Variants in CEP128 observed in about 807,000 individuals in gnomAD.
CEP128 encodes centrosomal protein 128, also known as centrosomal protein 128kDa.
Under a neutral mutation model 156.7 loss-of-function variants are expected in CEP128, and 132 were observed. That is an observed-to-expected ratio of 0.84 (90% confidence interval 0.73 to 0.97). The LOEUF (loss-of-function observed/expected upper bound fraction) is 0.97, where lower values mean the gene tolerates loss of function less well. CEP128 is among the 50% of genes least tolerant of loss of function. The pLI, the probability that CEP128 is intolerant of heterozygous loss-of-function variation, is 0.00. For missense variants in CEP128, 1,252 were observed against 1,281.9 expected (o/e 0.98, Z 0.36); for synonymous variants, 469 against 448.9 (o/e 1.04, Z -0.57).
chr14:80,661,366 T>C (rs1895396327), intron 19 of CEP128, among the ~76,000 whole-genome samples: 1 of 152,174 alleles, frequency 6.6e-6, no homozygotes, highest in Non-Finnish European at 1.5e-5. Context: ...ATCATCAATA[T>C]ACTTCAAGAG....
In CEP128 at chr14:80,840,686, T is replaced by G; in HGVS notation, c.845A>C (p.Asn282Thr). Residue 282 changes from asparagine (N) to threonine (T), a missense_variant, in exon 10 of 25, where the codon AAT becomes ACT. Coordinates refer to ENST00000555265, the MANE Select transcript of CEP128 (RefSeq NM_152446.5). The part of the protein sequence containing the change: ...NKLRQTETEK[N>T]QLEQELELSR... ...AGATAACTTTTAAAATCTTACTTGA[T>G]TCTTCTCAGTTTCAGTTTGTCTTAG... is the stretch of plus-strand genomic sequence containing the variant. 6.3e-7 allele frequency: 1 copy of G among 1,590,326 alleles called. No individual in the cohort carries two copies. Among genetic ancestry groups the G allele is most frequent in the Non-Finnish European group, 8.6e-7 (1 of 1,159,638 alleles).
downstream of CEP128, chr14:80,496,439 T>A (rs576654460): frequency 6.5e-6 from 1 of 152,728 alleles, no homozygotes; most frequent in East Asian, 1.9e-4. Context: ...ATGTGAGAAC[T>A]CTTAATGAGC....
chr14:80,669,317 TG>T (rs1388337734), intron 19 of CEP128, among the ~76,000 whole-genome samples: 2 of 151,894 alleles, frequency 1.3e-5, no homozygotes, highest in Non-Finnish European at 2.9e-5. Flanking sequence ...AATAGACAAA[TG>T]GGACTTAATT....
intron 2 of CEP128, among the ~76,000 whole-genome samples, chr14:80,935,012 T>C (rs1885701483): frequency 6.6e-6 from 1 of 152,190 alleles, no homozygotes; most frequent in South Asian, 2.1e-4. Context: ...AACATTATTA[T>C]TATCATCCCC....
At chr14:80,566,282 A>G (rs1350279057) in intron 20 of CEP128, among the ~76,000 whole-genome samples, 2 of 152,122 alleles carry the variant, frequency 1.3e-5, no homozygotes, top group East Asian at 3.8e-4. Flanking sequence ...AAATACAAAT[A>G]TATATATTTT....
chr14:80,954,502 C>T (rs1886554630), intron 2 of CEP128, among the ~76,000 whole-genome samples: 1 of 152,116 alleles, frequency 6.6e-6, no homozygotes, highest in Non-Finnish European at 1.5e-5. Context: ...ATCCACTTAA[C>T]CTCCAGCCTA....
At chr14:80,538,653 A>T (rs1889597057) in intron 21 of CEP128, among the ~76,000 whole-genome samples, 1 of 152,256 alleles carries the variant, frequency 6.6e-6, no homozygotes. Context: ...CATTGCATAC[A>T]TTAATACACG....
chr14:80,647,100 T>TACACACACAC (rs1323202529), intron 19 of CEP128, among the ~76,000 whole-genome samples: 1 of 104,510 alleles, frequency 9.6e-6, no homozygotes, highest in African/African-American at 3.6e-5. Context: ...CCCTTATAAA[T>TACACACACAC]ACACATACAC....
chr14:80,931,877 T>C (rs902831528), intron 2 of CEP128, among the ~76,000 whole-genome samples: 2 of 152,204 alleles, frequency 1.3e-5, no homozygotes, highest in East Asian at 3.8e-4. Flanking sequence ...TGATCATCTA[T>C]CTCAGCTTTC....
At chr14:80,894,111 G>C (rs1049789453) in intron 8 of CEP128, among the ~76,000 whole-genome samples, 2 of 151,550 alleles carry the variant, frequency 1.3e-5, no homozygotes, top group African/African-American at 2.4e-5. Context: ...TGACTTCTTA[G>C]GTCAAAAAAG....
At chr14:80,534,828 A>AC (rs1161673181) in intron 21 of CEP128, among the ~76,000 whole-genome samples, 1 of 151,056 alleles carries the variant, frequency 6.6e-6, no homozygotes, top group East Asian at 1.9e-4. Flanking sequence ...CCGTCTCAAA[A>AC]AAAAAAAAAA....
At chr14:80,627,857 A>G (rs1366201013) in intron 19 of CEP128, among the ~76,000 whole-genome samples, 1 of 151,888 alleles carries the variant, frequency 6.6e-6, no homozygotes, top group African/African-American at 2.4e-5. Context: ...ATAGAGCTAG[A>G]GCAATAACCT....
chr14:80,690,508 G>T (rs899941042), intron 19 of CEP128, among the ~76,000 whole-genome samples: 1 of 151,670 alleles, frequency 6.6e-6, no homozygotes, highest in African/African-American at 2.4e-5. Flanking sequence ...AGGTGCTGGC[G>T]TGGATAAATT....
In CEP128 at chr14:80,912,905, G is replaced by A. The variant is rs1884331529; in HGVS notation, c.234+1417C>T. On this transcript the variant is annotated intron_variant, in intron 4 of 24. Transcript: ENST00000555265. ...GGTACATATACAATGTGATTTTAGT[G>A]TTTTCATCACACTGTATATATACCC... Among the ~76,000 whole-genome samples the A allele has an allele frequency of 2.0e-5, 3 of 152,126 alleles. No individual in the cohort carries two copies. In the South Asian group the frequency reaches 6.2e-4, roughly 32 times the overall value.
chr14:80,679,828 G>A (rs1487079705), intron 19 of CEP128, among the ~76,000 whole-genome samples: 1 of 152,154 alleles, frequency 6.6e-6, no homozygotes, highest in Admixed American at 6.5e-5. Flanking sequence ...TGGTTTTGCA[G>A]CTCAGGTGGG....
chr14:80,880,908 A>AATTATTATT lies in CEP128; in HGVS notation c.645+14809_645+14810insAATAATAAT, dbSNP rs201311205. 9.3e-4 allele frequency among the ~76,000 whole-genome samples: 124 copies of AATTATTATT among 133,646 alleles called. 1 individual carries two copies. The highest frequency in any genetic ancestry group is 2.8e-3 in the African/African-American group (104 of 37,236). The allele number at this position is 133,646 out of a possible 152,430, so 87.7% of individuals were successfully genotyped here. A position where few individuals can be genotyped will look rare whatever the true frequency, so the allele number is the denominator to read the frequency against. ...TAATAATAATAATAATAATAATAAT[A>AATTATTATT]ATTTCAGTAAAGGATACAAAATCAA... On this transcript the variant is annotated intron_variant, in intron 8 of 24. Transcript: ENST00000555265.
At position 80,922,112 on chromosome 14, in the gene CEP128, G is replaced by A. The variant is rs958702880; in HGVS notation, c.-15-5550C>T. 2.6e-5 allele frequency among the ~76,000 whole-genome samples: 4 copies of A among 152,250 alleles called. No individual in the cohort carries two copies. In the East Asian group the frequency reaches 5.8e-4, roughly 22 times the overall value. ...TTTAAAGACCTCTTCAGAGATAGCCGGTTAACAGGCTGACAGCAGATTAAC... is the reference window on the plus strand; with the variant it reads ...TTTAAAGACCTCTTCAGAGATAGCCAGTTAACAGGCTGACAGCAGATTAAC... On this transcript the variant is annotated intron_variant, in intron 2 of 24. Transcript: ENST00000555265.
intron 13 of CEP128, among the ~76,000 whole-genome samples, chr14:80,809,733 GA>G (rs904017465): frequency 7.2e-5 from 11 of 151,890 alleles, no homozygotes; most frequent in African/African-American, 2.4e-4. Context: ...AAAAGCAGGG[GA>G]AAAAGCATAA....
At chr14:80,484,628 T>G (rs184266493) in intron 14 of CEP128, among the ~76,000 whole-genome samples, 164 of 152,300 alleles carry the variant, frequency 1.1e-3, no homozygotes, top group Non-Finnish European at 1.9e-3. Flanking sequence ...AGTTATCACC[T>G]TAGGAAAGCA....
Sources: gnomAD v4.1 joint callset for allele counts (sites outside exome capture counted in the v4.1 genomes callset) on GRCh38, gnomAD v4.1.1 for gene constraint, MANE v1.5 for transcripts, NCBI Gene and HGNC (gene_info 2026-07-23, HGNC 2026-07-21) for gene names.